The following HOXB2 variants were observed in gnomAD, a reference collection of about 807,000 sequenced individuals.
The protein encoded by HOXB2 is homeobox protein Hox-B2.
Under a neutral mutation model 13.1 loss-of-function variants are expected in HOXB2, and 14 were observed. That is an observed-to-expected ratio of 1.07 (90% confidence interval 0.71 to 1.67). HOXB2 has a LOEUF of 1.67. Ranked by LOEUF, HOXB2 falls within the 40% of genes most tolerant of loss-of-function variation. The pLI is 0.00. For synonymous variants in HOXB2, 261 were observed against 233.1 expected, an observed-to-expected ratio of 1.12 and a Z score of -1.09; for missense variants, 582 against 488.3, an observed-to-expected ratio of 1.19 and a Z score of -1.81.
Position 48,543,573 on chromosome 17 carries a change from A to G in HOXB2, c.566T>C (p.Val189Ala). Residue 189 changes from valine (V) to alanine (A), a missense_variant, in exon 2 of 2, where the codon GTC (valine) becomes GCC (alanine). By Grantham distance (64) the Val-to-Ala change is moderately conservative (BLOSUM62 0). Transcript: ENST00000330070. Reference protein sequence around the residue: ...LLDLTERQVKVWFQNRRMKHK... With the variant: ...LLDLTERQVKAWFQNRRMKHK... ...CTTCATGCGCCGGTTCTGAAACCAG[A>G]CTTTGACCTGCCTTTCGGTGAGGTC... 1 of 1,612,984 alleles carries G rather than the reference A, an allele frequency of 6.2e-7. No homozygotes were observed. Among genetic ancestry groups the G allele is most frequent in the Non-Finnish European group, 8.5e-7 (1 of 1,179,912 alleles).
In HOXB2 at chr17:48,543,632, G is replaced by C. The variant is rs367940743; in HGVS notation, c.507C>G (p.Cys169Trp). The C allele has an allele frequency of 1.2e-6, 2 of 1,613,680 alleles. No homozygotes were observed. Among genetic ancestry groups the C allele is most frequent in the Non-Finnish European group, 1.7e-6 (2 of 1,180,000 alleles). Residue 169 changes from cysteine to tryptophan, a missense_variant, in exon 2 of 2, where the codon TGC becomes TGG. Transcript: ENST00000330070. The part of the protein sequence containing the change: ...EKEFHFNKYL[C>W]RPRRVEIAAL... ...CCGCGATCTCGACGCGGCGTGGCCG[G>C]CACAGGTACTTATTAAAGTGGAATT...
chr17:48,544,188 G>A (rs1362644940), intron 1 of HOXB2: 4 of 985,194 alleles, frequency 4.1e-6, no homozygotes, highest in African/African-American at 1.7e-5. Flanking sequence ...TGCTTCTAGG[G>A]TCTATCCCAG....
Position 48,543,299 on chromosome 17 carries a change from G to C in HOXB2, c.840C>G (p.Arg280=). The C allele has an allele frequency of 6.2e-7, 1 of 1,602,270 alleles. No homozygotes were observed. Among genetic ancestry groups the C allele is most frequent in the Non-Finnish European group, 8.5e-7 (1 of 1,178,272 alleles). Reference sequence around the variant, plus strand: ...GCCCGGGCTCCAGCCCGCCGGCCCCGCGCAGCGCGCAGCCGGGACTCGACG... The same window carrying C: ...GCCCGGGCTCCAGCCCGCCGGCCCCCCGCAGCGCGCAGCCGGGACTCGACG... The part of the protein sequence containing the change: ...AGASSPGCAL[R]GAGGLEPGPL... Residue 280 remains arginine (R), a synonymous_variant, in exon 2 of 2, where the codon CGC becomes CGG. Transcript: ENST00000330070.
rs373195673 is a variant in HOXB2, at chr17:48,543,243, T to C, written c.896A>G (p.Gln299Arg). 183 of 1,611,492 alleles carry C rather than the reference T, an allele frequency of 1.1e-4. No homozygotes were observed. Among genetic ancestry groups the C allele is most frequent in the Middle Eastern group, 3.3e-4 (2 of 6,062 alleles). ...PLPEDVFSGR[Q>R]DSPFLPDLNF... is the part of the protein sequence containing the mutation. ...GAGGTCGGGAAGGAAAGGTGAATCC[T>C]GGCGCCCCGAGAAGACGTCTTCTGG... The change falls in exon 2 of 2, where the codon CAG (glutamine) becomes CGG (arginine). Residue 299 changes from glutamine (Q) to arginine (R), a missense_variant. By Grantham distance (43) the Gln-to-Arg change is conservative. Coordinates refer to ENST00000330070, the MANE Select transcript of HOXB2 (RefSeq NM_002145.4).
Position 48,542,785 on chromosome 17 carries a change from C to T in HOXB2, c.*283G>A, listed in dbSNP as rs1011562281. On this transcript the variant is annotated 3_prime_UTR_variant, in exon 2 of 2. Coordinates refer to ENST00000330070, the MANE Select transcript of HOXB2 (RefSeq NM_002145.4). ...AAACATAAAAAAGAGGAAAATAGGT[C>T]CCTCTAGTTATTTTTAAGAAAGTCC... 1 of 304,686 alleles carries T rather than the reference C, an allele frequency of 3.3e-6. No homozygotes were observed. The highest frequency in any genetic ancestry group is 2.1e-5 in the African/African-American group (1 of 46,604). The allele number at this position is 304,686 out of a possible 1,614,324, so 18.9% of individuals were successfully genotyped here. A position where few individuals can be genotyped will look rare whatever the true frequency, so the allele number is the denominator to read the frequency against.
intron 1 of HOXB2, 29 bp from the exon 2 acceptor site, chr17:48,543,776 G>C (rs1243376873): frequency 6.4e-7 from 1 of 1,562,936 alleles, no homozygotes; most frequent in African/African-American, 1.3e-5. Context: ...CGGCGTCATA[G>C]CGGGCCGTGT....
At position 48,543,202 on chromosome 17, in the gene HOXB2, C is replaced by A; in HGVS notation, c.937G>T (p.Asp313Tyr). The A allele has an allele frequency of 6.2e-7, 1 of 1,613,792 alleles. No homozygotes were observed. The highest frequency in any genetic ancestry group is 1.3e-5 in the African/African-American group (1 of 75,032). ...CCTCCGGATAGCTGGAGACAGGAGT[C>A]GGCCGCGAAGAAGTTGAGGTCGGGA... The part of the protein sequence containing the change: ...FLPDLNFFAA[D>Y]SCLQLSGGLS... Residue 313 changes from aspartate (D) to tyrosine (Y), a missense_variant, in exon 2 of 2, where the codon GAC becomes TAC. Transcript: ENST00000330070.
intron 1 of HOXB2, chr17:48,544,299 A>G: frequency 7.3e-7 from 1 of 1,369,994 alleles, no homozygotes; most frequent in Non-Finnish European, 9.3e-7. Flanking sequence ...AGCTTCCAAA[A>G]TCAGCCATAG....
Position 48,544,995 on chromosome 17 carries a change from G to A in HOXB2, c.-84C>T. On this transcript the variant is annotated 5_prime_UTR_variant, in exon 1 of 2. Coordinates refer to ENST00000330070, the MANE Select transcript of HOXB2 (RefSeq NM_002145.4). ...GGGACCCCCCTCCTGCACCCCCCCC[G>A]ATTTATGTAATGGAGCGATTTTGGG... 2 of 1,239,752 alleles carry A rather than the reference G, an allele frequency of 1.6e-6. No homozygotes were observed. Among genetic ancestry groups the A allele is most frequent in the Non-Finnish European group, 2.2e-6 (2 of 911,574 alleles). The allele number at this position is 1,239,752 out of a possible 1,614,324, so 76.8% of individuals were successfully genotyped here. A position where few individuals can be genotyped will look rare whatever the true frequency, so the allele number is the denominator to read the frequency against.
intron 1 of HOXB2, 124 bp downstream of exon 1, chr17:48,544,397 C>T: frequency 1.4e-6 from 2 of 1,443,408 alleles, no homozygotes; most frequent in South Asian, 3.0e-5. Context: ...ACTTCCCCAT[C>T]CCAGGAATGG....
In HOXB2 at chr17:48,543,168, G is replaced by A. The variant is rs751325140; in HGVS notation, c.971C>T (p.Pro324Leu). The A allele has an allele frequency of 4.3e-6, 7 of 1,613,990 alleles. No individual in the cohort carries two copies. The South Asian group carries it at 5.5e-5, about 13-fold the overall frequency. Residue 324 changes from proline to leucine, a missense_variant, in exon 2 of 2, where the codon CCT becomes CTT. Pro to Leu is a moderately conservative substitution (Grantham distance 98). Coordinates refer to ENST00000330070, the MANE Select transcript of HOXB2 (RefSeq NM_002145.4). ...GCTGTCGAGAGAACCCTGTAGGCTA[G>A]GGGAGAGGCCTCCGGATAGCTGGAG... ...SCLQLSGGLS[P>L]SLQGSLDSPV...
Position 48,544,924 on chromosome 17 carries a change from T to TGG in HOXB2, c.-15_-14dup. 1 of 293,944 alleles carries TGG rather than the reference T, an allele frequency of 3.4e-6. No individual in the cohort carries two copies. Among genetic ancestry groups the TGG allele is most frequent in the South Asian group, 4.5e-5 (1 of 22,458 alleles). The allele number at this position is 293,944 out of a possible 1,614,324, so 18.2% of individuals were successfully genotyped here. On this transcript the variant is annotated 5_prime_UTR_variant, in exon 1 of 2. Coordinates refer to ENST00000330070, the MANE Select transcript of HOXB2 (RefSeq NM_002145.4). Reference sequence around the variant, plus strand: ...ATTCAAAATTCATGGCTTTCAATGGTGGGGGAGGGGGCTGCTGGGGGGGGC... The same window carrying TGG: ...ATTCAAAATTCATGGCTTTCAATGGTGGGGGGGAGGGGGCTGCTGGGGGGGGC...
Position 48,544,982 on chromosome 17 carries a change from C to A in HOXB2, c.-71G>T, listed in dbSNP as rs1488825211. 2.4e-6 allele frequency: 3 copies of A among 1,263,062 alleles called. No homozygotes were observed. The African/African-American group carries it at 4.6e-5, about 19-fold the overall frequency. 78.2% of individuals were successfully genotyped at this position (1,263,062 alleles called of 1,614,324 possible). ...GGGAGGATCGGAAGGGACCCCCCTC[C>A]TGCACCCCCCCCGATTTATGTAATG... On this transcript the variant is annotated 5_prime_UTR_variant, in exon 1 of 2. It adds an upstream start codon to the 5' untranslated region. Transcript: ENST00000330070.
At chr17:48,544,423 C>G (rs2068544168) in intron 1 of HOXB2, 98 bp downstream of exon 1, 2 of 1,461,540 alleles carry the variant, frequency 1.4e-6, no homozygotes, top group African/African-American at 2.8e-5. Flanking sequence ...GTAAGGAACC[C>G]CAACAGGCTC....
In HOXB2 at chr17:48,544,632, C is replaced by T. The variant is rs1417212462; in HGVS notation, c.280G>A (p.Glu94Lys). ...TTCTTCTCTTTCATCCAAGGGAACT[C>T]GGGGGCCGGGGGGGCAGCGGGGAGT... is the stretch of plus-strand genomic sequence containing the variant. Reference protein sequence around the residue: ...PPLPAAPPAPEFPWMKEKKSA... With the variant: ...PPLPAAPPAPKFPWMKEKKSA... Residue 94 changes from glutamate (E) to lysine (K), a missense_variant, in exon 1 of 2, where the codon GAG becomes AAG. Coordinates refer to ENST00000330070, the MANE Select transcript of HOXB2 (RefSeq NM_002145.4). 4 of 1,611,062 alleles carry T rather than the reference C, an allele frequency of 2.5e-6. No individual in the cohort carries two copies. Among genetic ancestry groups the T allele is most frequent in the South Asian group, 2.2e-5 (2 of 90,976 alleles).
In HOXB2 at chr17:48,543,596, G is replaced by A. The variant is rs1457715720; in HGVS notation, c.543C>T (p.Asp181=). 6.2e-7 allele frequency: 1 copy of A among 1,613,606 alleles called. No homozygotes were observed. The change falls in exon 2 of 2, where the codon GAC becomes GAT. Residue 181 remains aspartate, a synonymous_variant. Coordinates refer to ENST00000330070, the MANE Select transcript of HOXB2 (RefSeq NM_002145.4). ...AGACTTTGACCTGCCTTTCGGTGAG[G>A]TCCAGCAAGGCCGCGATCTCGACGC... ...PRRVEIAALL[D]LTERQVKVWF... is the part of the protein sequence containing the mutation.
chr17:48,542,893 C>A lies in HOXB2; in HGVS notation c.*175G>T. ...TTCTGTGTGAATTTTAAAAGATAAC[C>A]GAGTGCCCAATATTTTAGAAGAAGA... On this transcript the variant is annotated 3_prime_UTR_variant, in exon 2 of 2. Transcript: ENST00000330070. 2.2e-6 allele frequency: 1 copy of A among 449,046 alleles called. No individual in the cohort carries two copies. The highest frequency in any genetic ancestry group is 7.6e-5 in the South Asian group (1 of 13,106). The allele number at this position is 449,046 out of a possible 1,614,324, so 27.8% of individuals were successfully genotyped here.
At chr17:48,543,956 A>G (rs1242535656) in intron 1 of HOXB2, 2 of 1,304,470 alleles carry the variant, frequency 1.5e-6, no homozygotes, top group Admixed American at 3.8e-5. Flanking sequence ...AGGGCAAAGC[A>G]TTCAGAGCCG....
rs780762515 is a variant in HOXB2, at chr17:48,543,269, C to CAATG, written c.866_869dup (p.Leu290PhefsTer37). The CAATG allele has an allele frequency of 6.2e-7, 1 of 1,607,456 alleles. No individual in the cohort carries two copies. The highest frequency in any genetic ancestry group is 8.5e-7 in the Non-Finnish European group (1 of 1,179,424). ...GGCGCCCCGAGAAGACGTCTTCTGGCAATGGCCCGGGCTCCAGCCCGCCGG... is the reference window on the plus strand; with the variant it reads ...GGCGCCCCGAGAAGACGTCTTCTGGCAATGAATGGCCCGGGCTCCAGCCCGCCGG... On this transcript the variant is annotated frameshift_variant, in exon 2 of 2. Coordinates refer to ENST00000330070, the MANE Select transcript of HOXB2 (RefSeq NM_002145.4). LOFTEE classifies it high-confidence loss of function.
Sources: gnomAD v4.1 joint callset for allele counts on GRCh38, gnomAD v4.1.1 for gene constraint, MANE v1.5 for transcripts, NCBI Gene and HGNC (gene_info 2026-07-23, HGNC 2026-07-21) for gene names.